NTRK3: variants seen among roughly 807,000 people sequenced by gnomAD.
NTRK3 encodes the protein NT-3 growth factor receptor.
Under a neutral mutation model 91.7 loss-of-function variants are expected in NTRK3, and 24 were observed. That is an observed-to-expected ratio of 0.26 (90% CI 0.19 to 0.37). NTRK3 has a LOEUF of 0.37. NTRK3 is among the 10% of genes least tolerant of loss of function. The pLI, the probability that NTRK3 is intolerant of heterozygous loss-of-function variation, is 1.00. For synonymous variants in NTRK3, 483 were observed against 404.0 expected (o/e 1.20, Z -2.34); for missense variants, 880 against 1,068.9 (o/e 0.82, Z 2.46).
chr15:88,053,416 G>A (rs576606452), intron 13 of NTRK3, among the ~76,000 whole-genome samples: 12 of 152,264 alleles, frequency 7.9e-5, no homozygotes, highest in Middle Eastern at 3.4e-3. Context: ...ACTGACAGCC[G>A]GACCATGCAA....
intron 14 of NTRK3, among the ~76,000 whole-genome samples, chr15:88,011,295 G>C (rs2076864477): frequency 6.6e-6 from 1 of 152,138 alleles, no homozygotes; most frequent in South Asian, 2.1e-4. Context: ...AGAAAGCTCA[G>C]TCTCCAGCTT....
chr15:87,933,196 G>A lies in NTRK3; in HGVS notation c.1717-12C>T, dbSNP rs934250324. 1 of 1,614,100 alleles carries A rather than the reference G, an allele frequency of 6.2e-7. No homozygotes were observed. The highest frequency in any genetic ancestry group is 8.5e-7 in the Non-Finnish European group (1 of 1,179,988). Reference sequence around the variant, plus strand: ...GGATCCTTCAGGGCCTAGGAACAATGCAGGACACAGGTGTTTAACAACTAC... The same window carrying A: ...GGATCCTTCAGGGCCTAGGAACAATACAGGACACAGGTGTTTAACAACTAC... On this transcript the variant is annotated splice_polypyrimidine_tract_variant and intron_variant, in intron 15 of 18. Coordinates refer to ENST00000394480, the Ensembl canonical transcript of NTRK3.
intron 3 of NTRK3, among the ~76,000 whole-genome samples, chr15:88,220,733 G>A (rs1368633821): frequency 6.6e-6 from 1 of 152,152 alleles, no homozygotes; most frequent in African/African-American, 2.4e-5. Context: ...CCCAGCGAGA[G>A]CGGGAACGTC....
At chr15:88,017,158 T>C (rs982083075) in intron 14 of NTRK3, among the ~76,000 whole-genome samples, 4 of 151,962 alleles carry the variant, frequency 2.6e-5, no homozygotes, top group Non-Finnish European at 5.9e-5. Flanking sequence ...TGATTTGGGG[T>C]GTGCTGGGAG....
chr15:87,865,144 T>C (rs2064631413), exon 19 of NTRK3: 1 of 211,104 alleles, frequency 4.7e-6, no homozygotes. Context: ...ATTTGGGGTA[T>C]GCAGCTTTAT....
At chr15:88,079,223 A>C (rs1304026621) in intron 13 of NTRK3, among the ~76,000 whole-genome samples, 4 of 152,168 alleles carry the variant, frequency 2.6e-5, no homozygotes, top group African/African-American at 9.7e-5. Context: ...GAACAAAGAG[A>C]CTGGGATTAG....
intron 6 of NTRK3, among the ~76,000 whole-genome samples, chr15:88,145,331 T>G (rs1255712932): frequency 6.6e-6 from 1 of 152,226 alleles, no homozygotes; most frequent in Non-Finnish European, 1.5e-5. Flanking sequence ...CCAGGGTGAT[T>G]GCTCCTTAGA....
rs1282752002 is a variant in NTRK3 at position 88,040,342 on chromosome 15, G to A, written c.1397-7297C>T. 4.6e-5 allele frequency among the ~76,000 whole-genome samples: 7 copies of A among 152,318 alleles called. No individual in the cohort carries two copies. In the South Asian group the frequency reaches 6.2e-4, roughly 14 times the overall value. ...CCAAGAGAGGAGCCTGGGACAACAA[G>A]TCACCATGAGGACCTGTGGGTACAC... On this transcript the variant is annotated intron_variant, in intron 13 of 18. Coordinates refer to ENST00000394480, the Ensembl canonical transcript of NTRK3.
intron 18 of NTRK3, among the ~76,000 whole-genome samples, chr15:87,879,272 TACATTTTCC>T (rs2065109999): frequency 6.6e-6 from 1 of 152,182 alleles, no homozygotes; most frequent in Non-Finnish European, 1.5e-5. Context: ...GTCTTGTGTT[TACATTTTCC>T]CAGCAAACAG....
chr15:88,054,917 G>A (rs763026692), intron 13 of NTRK3, among the ~76,000 whole-genome samples: 41 of 152,112 alleles, frequency 2.7e-4, no homozygotes, highest in Non-Finnish European at 5.0e-4. Flanking sequence ...CCATTTTGCA[G>A]ATGAGAAAAC....
intron 14 of NTRK3, among the ~76,000 whole-genome samples, chr15:87,995,389 G>C (rs951348126): frequency 2.0e-5 from 3 of 152,180 alleles, no homozygotes; most frequent in African/African-American, 7.2e-5. Context: ...TTTCTTGGAG[G>C]AGACAGCTGT....
At chr15:88,050,215 T>A (rs7175480) in intron 13 of NTRK3, among the ~76,000 whole-genome samples, 4 of 152,162 alleles carry the variant, frequency 2.6e-5, no homozygotes, top group Non-Finnish European at 5.9e-5. Flanking sequence ...TTGGCATGAA[T>A]TCAAAGGCAC....
chr15:88,114,424 A>T (rs1433040691), intron 13 of NTRK3, among the ~76,000 whole-genome samples: 1 of 152,158 alleles, frequency 6.6e-6, no homozygotes, highest in African/African-American at 2.4e-5. Flanking sequence ...ATTTTACAAC[A>T]ACAAAAAAAA....
chr15:88,232,584 G>A (rs1386777204), intron 3 of NTRK3, among the ~76,000 whole-genome samples: 1 of 152,096 alleles, frequency 6.6e-6, no homozygotes, highest in Non-Finnish European at 1.5e-5. Context: ...TGGTCATTTG[G>A]GCAATTGGCC....
At chr15:87,863,990 C>CAT (rs57924311) in exon 19 of NTRK3, 63,811 of 213,864 alleles carry the variant, frequency 0.3, 6,589 homozygotes, top group East Asian at 0.37. Flanking sequence ...CACACACACA[C>CAT]ACATACACAC....
At chr15:88,133,769 G>A (rs1415701522) in intron 10 of NTRK3, among the ~76,000 whole-genome samples, 1 of 152,168 alleles carries the variant, frequency 6.6e-6, no homozygotes, top group Non-Finnish European at 1.5e-5. Flanking sequence ...GGCTTTTACT[G>A]AGCATTCTGG....
At chr15:88,135,427 G>A (rs1202354281) in intron 9 of NTRK3, 30 bp from the exon 10 acceptor site, 1 of 1,608,636 alleles carries the variant, frequency 6.2e-7, no homozygotes, top group South Asian at 1.1e-5. Context: ...CTGAAATCCA[G>A]GACACAGAGT....
intron 13 of NTRK3, among the ~76,000 whole-genome samples, chr15:88,048,320 C>T (rs777188943): frequency 7.2e-5 from 11 of 152,150 alleles, no homozygotes; most frequent in Non-Finnish European, 1.5e-4. Flanking sequence ...TGGATGAAGG[C>T]AAGGCTGGGC....
intron 5 of NTRK3, 145 bp from the exon 6 acceptor site, chr15:88,147,548 C>T: frequency 1.7e-6 from 1 of 584,574 alleles, no homozygotes; most frequent in Non-Finnish European, 2.9e-6. Flanking sequence ...TCTTCTTCTT[C>T]TTCTTCATGC....
Sources: allele counts gnomAD v4.1 joint callset (sites outside exome capture counted in the v4.1 genomes callset), GRCh38; gene constraint gnomAD v4.1.1; transcripts MANE v1.5; gene names NCBI Gene and HGNC (gene_info 2026-07-23, HGNC 2026-07-21).